BICD2: variants seen among roughly 807,000 people sequenced by gnomAD.
The protein encoded by BICD2 is BICD cargo adaptor 2.
BICD2 carries 25 observed loss-of-function variants against 72.9 expected under a neutral mutation model. The ratio of observed to expected loss-of-function variants is 0.34; its 90% CI spans 0.25 to 0.48. BICD2 has a LOEUF of 0.48. BICD2 is among the 20% of genes least tolerant of loss of function. The pLI is 0.99. For synonymous variants in BICD2, 501 were observed against 516.1 expected, an observed-to-expected ratio of 0.97 and a Z score of 0.40; for missense variants, 894 against 1,175.2, an observed-to-expected ratio of 0.76 and a Z score of 3.50.
intron 2 of BICD2, 38 bp downstream of exon 2, chr9:92,728,986 G>A: frequency 6.3e-7 from 1 of 1,596,738 alleles, no homozygotes; most frequent in Admixed American, 1.7e-5. Context: ...TGGTGGCACT[G>A]CTGCAGCCAC....
intron 1 of BICD2, among the ~76,000 whole-genome samples, chr9:92,749,550 C>A (rs749560121): frequency 1.2e-4 from 19 of 152,260 alleles, no homozygotes; most frequent in Non-Finnish European, 2.6e-4. Flanking sequence ...CATCACCAAC[C>A]GTGAACCCCA....
intron 1 of BICD2, among the ~76,000 whole-genome samples, chr9:92,756,679 T>G (rs1458509323): frequency 1.3e-5 from 2 of 151,024 alleles, no homozygotes; most frequent in African/African-American, 4.8e-5. Context: ...AAGACCTGCC[T>G]AACAGGATGA....
intron 1 of BICD2, among the ~76,000 whole-genome samples, chr9:92,744,447 A>G (rs993504546): frequency 6.6e-6 from 1 of 152,204 alleles, no homozygotes; most frequent in Non-Finnish European, 1.5e-5. Context: ...GGGTGTACTT[A>G]CTTTGATAAT....
Position 92,714,206 on chromosome 9 carries a change from G to T in BICD2, c.*948C>A. 2.0e-6 allele frequency: 2 copies of T among 985,480 alleles called. No individual in the cohort carries two copies. Among genetic ancestry groups the T allele is most frequent in the Non-Finnish European group, 2.4e-6 (2 of 829,980 alleles). 61.0% of individuals were successfully genotyped at this position (985,480 alleles called of 1,614,324 possible). ...CGGGCTGGGCTCTGGATACACCTGT[G>T]GGTGTCCAACCCAGCCAAGCCCTTG... On this transcript the variant is annotated 3_prime_UTR_variant, in exon 7 of 7. Transcript: ENST00000356884.
intron 2 of BICD2, among the ~76,000 whole-genome samples, chr9:92,727,590 A>C (rs1853592405): frequency 6.6e-6 from 1 of 152,242 alleles, no homozygotes; most frequent in African/African-American, 2.4e-5. Flanking sequence ...GGCCACGGCC[A>C]GGAGGACTGC....
At position 92,720,433 on chromosome 9, in the gene BICD2, T is replaced by C. The variant is rs1219044933; in HGVS notation, c.929A>G (p.Lys310Arg). The C allele has an allele frequency of 5.0e-6, 8 of 1,614,186 alleles. No individual in the cohort carries two copies. The highest frequency in any genetic ancestry group is 4.5e-5 in the East Asian group (2 of 44,874). The change falls in exon 4 of 7, where the codon AAG becomes AGG. Residue 310 changes from lysine (K) to arginine (R), a missense_variant. Lys to Arg is a conservative substitution (Grantham distance 26). This residue lies in a region of BICD2 where 371 missense variants were observed against 439.1 expected (regional missense o/e 0.84). Coordinates refer to ENST00000356884, the MANE Select transcript of BICD2 (RefSeq NM_001003800.2). The surrounding 1 kb of genome is among the most constrained non-coding windows in gnomAD (Gnocchi z 5.4). ...VNGFEHGGLA[K>R]LPLDNKTSTP... ...GGAGGTCTTGTTGTCCAGTGGCAGCTTGGCCAGGCCGCCGTGCTCAAAGCC... is the reference window on the plus strand; with the variant it reads ...GGAGGTCTTGTTGTCCAGTGGCAGCCTGGCCAGGCCGCCGTGCTCAAAGCC...
intron 2 of BICD2, 85 bp from the exon 3 acceptor site, chr9:92,722,893 G>A: frequency 1.3e-6 from 2 of 1,539,030 alleles, no homozygotes; most frequent in South Asian, 2.3e-5. Flanking sequence ...GCCATGGCCA[G>A]CCATACAGCC....
intron 2 of BICD2, among the ~76,000 whole-genome samples, chr9:92,725,171 C>G (rs1482015027): frequency 2.6e-5 from 4 of 152,240 alleles, no homozygotes; most frequent in Non-Finnish European, 4.4e-5. Flanking sequence ...CAGAGGCACA[C>G]ACGAGACTGC....
chr9:92,756,028 T>C (rs559811410), intron 1 of BICD2, among the ~76,000 whole-genome samples: 2 of 152,188 alleles, frequency 1.3e-5, no homozygotes, highest in Non-Finnish European at 2.9e-5. Flanking sequence ...AGAGTATGAG[T>C]GGTCCTCACT....
intron 2 of BICD2, among the ~76,000 whole-genome samples, chr9:92,726,673 C>G (rs771353483): frequency 4.6e-5 from 7 of 152,090 alleles, no homozygotes; most frequent in Admixed American, 1.3e-4. Context: ...CAACCCAGGG[C>G]AGGGACACAG....
rs899935653 is a variant in BICD2 at position 92,720,190 on chromosome 9, G to T, written c.1062+110C>A. On this transcript the variant is annotated intron_variant, in intron 4 of 6. Coordinates refer to ENST00000356884, the MANE Select transcript of BICD2 (RefSeq NM_001003800.2). This position sits in a 1 kb window ranked among gnomAD's most constrained non-coding sequence, Gnocchi z 5.4. Reference sequence around the variant, plus strand: ...TAATGATGCAGGAGATAAAATCAACGTAAGGAAAAGGGAAAGTTAACATCA... The same window carrying T: ...TAATGATGCAGGAGATAAAATCAACTTAAGGAAAAGGGAAAGTTAACATCA... 6 of 1,111,150 alleles carry T rather than the reference G, an allele frequency of 5.4e-6. No homozygotes were observed. Among genetic ancestry groups the T allele is most frequent in the Non-Finnish European group, 6.3e-6 (5 of 798,958 alleles). 68.8% of individuals were successfully genotyped at this position (1,111,150 alleles called of 1,614,324 possible). A position where few individuals can be genotyped will look rare whatever the true frequency, so the allele number is the denominator to read the frequency against.
intron 1 of BICD2, among the ~76,000 whole-genome samples, chr9:92,745,208 C>A (rs573034012): frequency 9.2e-5 from 14 of 152,242 alleles, no homozygotes; most frequent in African/African-American, 3.4e-4. Flanking sequence ...GCTAGCAATT[C>A]AGGAAAACAA....
At chr9:92,744,954 A>C (rs1853978730) in intron 1 of BICD2, among the ~76,000 whole-genome samples, 1 of 152,230 alleles carries the variant, frequency 6.6e-6, no homozygotes, top group Non-Finnish European at 1.5e-5. Flanking sequence ...TACTATATGT[A>C]ATTCTAGTTT....
At position 92,714,737 on chromosome 9, in the gene BICD2, T is replaced by C. The variant is rs1853266531; in HGVS notation, c.*417A>G. 1.0e-6 allele frequency: 1 copy of C among 1,001,316 alleles called. No homozygotes were observed. Among genetic ancestry groups the C allele is most frequent in the Non-Finnish European group, 1.2e-6 (1 of 841,172 alleles). 62.0% of individuals were successfully genotyped at this position (1,001,316 alleles called of 1,614,324 possible). ...GGAACCTCCTAAAACTGCTTTCTAG[T>C]GCTGACATTAGACACATGCGAGGAA... On this transcript the variant is annotated 3_prime_UTR_variant, in exon 7 of 7. Transcript: ENST00000356884.
intron 1 of BICD2, among the ~76,000 whole-genome samples, chr9:92,745,976 T>G (rs1416587036): frequency 3.9e-5 from 6 of 152,206 alleles, no homozygotes; most frequent in Non-Finnish European, 8.8e-5. Flanking sequence ...CTTCCTGGTC[T>G]TGGCCTGGAA....
rs1325637905 is a variant in BICD2 at position 92,717,878 on chromosome 9, A to G, written c.2177T>C (p.Met726Thr). The change falls in exon 6 of 7, where the codon ATG (methionine) becomes ACG (threonine). Residue 726 changes from methionine (M) to threonine (T), a missense_variant. Physicochemically the swap from Met to Thr is moderately conservative, Grantham distance 81. Transcript: ENST00000356884. ...ENEKAMVTETMMKLRNELKAL... is the reference protein window; with the variant it reads ...ENEKAMVTETTMKLRNELKAL... ...CTTGAGCTCATTGCGCAGCTTCATC[A>G]TGGTCTCGGTAACCATGGCCTTCTC... The G allele has an allele frequency of 1.2e-6, 2 of 1,613,158 alleles. No individual in the cohort carries two copies. Among genetic ancestry groups the G allele is most frequent in the African/African-American group, 1.3e-5 (1 of 74,864 alleles).
At position 92,750,417 on chromosome 9, in the gene BICD2, G is replaced by C. The variant is rs139292499; in HGVS notation, c.240+14088C>G. Among the ~76,000 whole-genome samples the C allele has an allele frequency of 3.0e-3, 448 of 151,230 alleles. 2 individuals carry two copies. The highest frequency in any genetic ancestry group is 0.01 in the African/African-American group (424 of 41,184). On this transcript the variant is annotated intron_variant, in intron 1 of 6. Coordinates refer to ENST00000356884, the MANE Select transcript of BICD2 (RefSeq NM_001003800.2). ...TAAGATGTCTTTCAATAGGTGAACAGATAAATTGTGGTTCACCCATATTAT... is the reference window on the plus strand; with the variant it reads ...TAAGATGTCTTTCAATAGGTGAACACATAAATTGTGGTTCACCCATATTAT...
chr9:92,737,861 G>C (rs1342687771), intron 1 of BICD2, among the ~76,000 whole-genome samples: 1 of 152,228 alleles, frequency 6.6e-6, no homozygotes, highest in Non-Finnish European at 1.5e-5. Context: ...GGGGAAGTGC[G>C]CCAGGTGGAA....
chr9:92,720,102 G>A lies in BICD2; in HGVS notation c.1062+198C>T, dbSNP rs1178760915. ...TTAACAGGGGAGCAATGTGGGTGCT[G>A]CAGTGCCAGGAAACCACTTCTCTGA... On this transcript the variant is annotated intron_variant, in intron 4 of 6. Coordinates refer to ENST00000356884, the MANE Select transcript of BICD2 (RefSeq NM_001003800.2). The surrounding 1 kb of genome is among the most constrained non-coding windows in gnomAD (Gnocchi z 5.4). 6.6e-6 allele frequency among the ~76,000 whole-genome samples: 1 copy of A among 152,250 alleles called. No individual in the cohort carries two copies. The highest frequency in any genetic ancestry group is 2.4e-5 in the African/African-American group (1 of 41,456).
Sources: gnomAD v4.1 joint callset for allele counts (sites outside exome capture counted in the v4.1 genomes callset) on GRCh38, gnomAD v4.1.1 for gene constraint, gnomAD v4.1.1 regional missense constraint, Gnocchi (gnomAD v3.1) non-coding constraint, MANE v1.5 for transcripts, NCBI Gene and HGNC (gene_info 2026-07-23, HGNC 2026-07-21) for gene names.